SPATA6: variants seen among roughly 807,000 people sequenced by gnomAD.
The protein encoded by SPATA6 is spermatogenesis-associated protein 6.
Under a neutral mutation model 65.3 loss-of-function variants are expected in SPATA6, and 56 were observed. The ratio of observed to expected loss-of-function variants is 0.86; its 90% CI spans 0.69 to 1.07. The LOEUF is 1.07. Ranked by LOEUF, SPATA6 falls within the 50% of genes least tolerant of loss-of-function variation. The pLI is 0.00. For missense variants in SPATA6, 590 were observed against 594.8 expected, an observed-to-expected ratio of 0.99 and a Z score of 0.08; for synonymous variants, 199 against 213.2, an observed-to-expected ratio of 0.93 and a Z score of 0.58.
chr1:48,402,598 A>G (rs1457835734), intron 6 of SPATA6: 1 of 152,214 alleles, frequency 6.6e-6, no homozygotes, highest in African/African-American at 2.4e-5. Context: ...AAATAAAATA[A>G]GAATGTTCCC....
intron 11 of SPATA6, among the ~76,000 whole-genome samples, chr1:48,327,308 AT>A (rs1645792248): frequency 6.6e-6 from 1 of 152,194 alleles, no homozygotes. Flanking sequence ...ATCATCTCAC[AT>A]GCATCAGAAT....
intron 11 of SPATA6, among the ~76,000 whole-genome samples, chr1:48,334,211 G>A (rs185971438): frequency 2.0e-5 from 3 of 152,108 alleles, no homozygotes; most frequent in African/African-American, 7.2e-5. Context: ...TCAAAGAAGA[G>A]CTGGTACCAT....
intron 3 of SPATA6, among the ~76,000 whole-genome samples, chr1:48,432,599 A>AT (rs1654509604): frequency 6.6e-6 from 1 of 152,224 alleles, no homozygotes; most frequent in Non-Finnish European, 1.5e-5. Context: ...TCTCACACTC[A>AT]TTGAAAGGGC....
chr1:48,331,474 G>A (rs746079670), intron 11 of SPATA6, among the ~76,000 whole-genome samples: 2 of 150,594 alleles, frequency 1.3e-5, no homozygotes, highest in African/African-American at 2.4e-5. Context: ...AAGAATCTAA[G>A]GGCTTGAAGA....
chr1:48,446,394 G>A (rs905791141), intron 3 of SPATA6, among the ~76,000 whole-genome samples: 3 of 152,198 alleles, frequency 2.0e-5, no homozygotes, highest in African/African-American at 7.2e-5. Context: ...AGAGAGGCCA[G>A]CTGGGGAAAA....
At chr1:48,395,815 A>T (rs1650532791) in intron 7 of SPATA6, among the ~76,000 whole-genome samples, 1 of 151,842 alleles carries the variant, frequency 6.6e-6, no homozygotes, top group Non-Finnish European at 1.5e-5. Flanking sequence ...ATAATAGTTA[A>T]CCACATTTCC....
chr1:48,267,764 T>G, the SPATA6 span, among the ~76,000 whole-genome samples: 3 of 134,684 alleles, frequency 2.2e-5, no homozygotes, highest in African/African-American at 5.5e-5. Context: ...TTTTTTTTTT[T>G]TTTTTTTTTT....
intron 11 of SPATA6, among the ~76,000 whole-genome samples, chr1:48,348,695 T>G (rs1646436383): frequency 6.6e-6 from 1 of 152,054 alleles, no homozygotes; most frequent in African/African-American, 2.4e-5. Context: ...TCTGCCCTTT[T>G]GAAGGGCAGA....
downstream of SPATA6, among the ~76,000 whole-genome samples, chr1:48,294,536 T>TGTTTTTATCTGACTTCATTA (rs1644788508): frequency 6.6e-6 from 1 of 152,216 alleles, no homozygotes; most frequent in Non-Finnish European, 1.5e-5. Flanking sequence ...AGCTTTCATT[T>TGTTTTTATCTGACTTCATTA]GTTTTTATCT....
chr1:48,311,239 G>T (rs1243489617), intron 11 of SPATA6, among the ~76,000 whole-genome samples: 2 of 151,980 alleles, frequency 1.3e-5, no homozygotes, highest in Admixed American at 1.3e-4. Flanking sequence ...ATCAAAAATA[G>T]AAAACTGGAT....
intron 3 of SPATA6, among the ~76,000 whole-genome samples, chr1:48,446,960 C>A (rs1426052894): frequency 6.6e-6 from 1 of 152,026 alleles, no homozygotes; most frequent in Non-Finnish European, 1.5e-5. Context: ...AGACGCGAGA[C>A]CAACCTCTTC....
chr1:48,427,739 G>A (rs144739862), intron 3 of SPATA6, among the ~76,000 whole-genome samples: 27 of 152,198 alleles, frequency 1.8e-4, no homozygotes, highest in South Asian at 6.2e-4. Context: ...TAACTTAGAG[G>A]GTACATGTGC....
At chr1:48,288,841 G>A in the SPATA6 span, among the ~76,000 whole-genome samples, 12 of 152,314 alleles carry the variant, frequency 7.9e-5, no homozygotes, top group East Asian at 7.7e-4. Context: ...AAAACAAAGC[G>A]GCCAGGAAGC....
intron 9 of SPATA6, among the ~76,000 whole-genome samples, chr1:48,378,460 C>T (rs1648176605): frequency 6.6e-6 from 1 of 152,146 alleles, no homozygotes; most frequent in African/African-American, 2.4e-5. Flanking sequence ...TGTTTTCTCA[C>T]TGCTGATAAA....
At chr1:48,374,510 T>C (rs1455669999) in intron 9 of SPATA6, among the ~76,000 whole-genome samples, 1 of 152,226 alleles carries the variant, frequency 6.6e-6, no homozygotes, top group Non-Finnish European at 1.5e-5. Flanking sequence ...GACATTCTCA[T>C]GAGTTCCTCA....
Position 48,314,551 on chromosome 1 carries a change from G to A in SPATA6, c.1195-8673C>T, listed in dbSNP as rs568853801. Among the ~76,000 whole-genome samples, 5 of 152,276 alleles carry A rather than the reference G, an allele frequency of 3.3e-5. No homozygotes were observed. The South Asian group carries it at 6.2e-4, about 19-fold the overall frequency. Reference sequence around the variant, plus strand: ...GGACACATTTAAAGCACTGTGTAGCGGGAAATTTATAGCACTAAATGCCCA... The same window carrying A: ...GGACACATTTAAAGCACTGTGTAGCAGGAAATTTATAGCACTAAATGCCCA... On this transcript the variant is annotated intron_variant, in intron 11 of 12. Transcript: ENST00000371847.
chr1:48,375,860 T>A (rs1244269970), intron 9 of SPATA6, among the ~76,000 whole-genome samples: 6 of 152,128 alleles, frequency 3.9e-5, no homozygotes, highest in African/African-American at 1.4e-4. Flanking sequence ...CTTTGGATAA[T>A]TTTTTATATA....
intron 9 of SPATA6, among the ~76,000 whole-genome samples, chr1:48,381,687 C>CT (rs34196190): frequency 0.46 from 56,069 of 121,512 alleles, 13,639 homozygotes; most frequent in East Asian, 0.59. Context: ...AATTTTTTTT[C>CT]TTTTTTTTTT....
chr1:48,395,648 C>T (rs2147913383), intron 7 of SPATA6, among the ~76,000 whole-genome samples: 1 of 151,850 alleles, frequency 6.6e-6, no homozygotes, highest in South Asian at 2.1e-4. Flanking sequence ...GTTTGCTTTC[C>T]ATCACAAGGT....
Sources: gnomAD v4.1 joint callset for allele counts (sites outside exome capture counted in the v4.1 genomes callset) on GRCh38, gnomAD v4.1.1 for gene constraint, MANE v1.5 for transcripts, NCBI Gene and HGNC (gene_info 2026-07-23, HGNC 2026-07-21) for gene names.